DNAH11: variants seen among roughly 807,000 people sequenced by gnomAD.
DNAH11 encodes axonemal beta dynein heavy chain 11.
In DNAH11, 442 loss-of-function variants were observed where a neutral mutation model predicts 526.0. That is an observed-to-expected ratio of 0.84 (90% CI 0.78 to 0.91). The LOEUF (loss-of-function observed/expected upper bound fraction) is 0.91, where lower values mean the gene tolerates loss of function less well. Ranked by LOEUF, DNAH11 falls within the 40% of genes least tolerant of loss-of-function variation. The pLI is 0.00. For synonymous variants in DNAH11, 2,461 were observed against 1,935.9 expected (o/e 1.27, Z -7.12); for missense variants, 6,989 against 5,448.7 (o/e 1.28, Z -8.90).
chr7:21,768,026 G>C (rs1024367964), intron 55 of DNAH11, among the ~76,000 whole-genome samples: 1 of 152,094 alleles, frequency 6.6e-6, no homozygotes, highest in South Asian at 2.1e-4. Flanking sequence ...CCAGGGGTAC[G>C]GGTTGACTGC....
chr7:21,815,246 A>G (rs1472167936), intron 63 of DNAH11, among the ~76,000 whole-genome samples: 7 of 152,184 alleles, frequency 4.6e-5, no homozygotes, highest in African/African-American at 1.7e-4. Context: ...TGTATTAAGT[A>G]GAAGGTAACA....
At position 21,655,948 on chromosome 7, in the gene DNAH11, C is replaced by A; in HGVS notation, c.5061C>A (p.Val1687=). 1 of 1,609,988 alleles carries A rather than the reference C, an allele frequency of 6.2e-7. No homozygotes were observed. Among genetic ancestry groups the A allele is most frequent in the Non-Finnish European group, 8.5e-7 (1 of 1,177,794 alleles). Residue 1687 remains valine (V), a synonymous_variant, in exon 29 of 82, where the codon GTC becomes GTA. Transcript: ENST00000409508. ...VGMYSKEKEY[V]PFQAECECVG... is the part of the protein sequence containing the mutation. Reference sequence around the variant, plus strand: ...TGTACAGCAAAGAAAAGGAGTATGTCCCATTCCAAGCCGAGTGTGAATGTG... The same window carrying A: ...TGTACAGCAAAGAAAAGGAGTATGTACCATTCCAAGCCGAGTGTGAATGTG...
At chr7:21,711,591 T>C (rs753984143) in intron 41 of DNAH11, 121 bp from the exon 42 acceptor site, 7 of 1,389,520 alleles carry the variant, frequency 5.0e-6, no homozygotes, top group Admixed American at 4.8e-5. Flanking sequence ...CAGACTGCAC[T>C]TCTGATTCAG....
chr7:21,728,775 C>A (rs1785251106), intron 45 of DNAH11, among the ~76,000 whole-genome samples: 1 of 152,214 alleles, frequency 6.6e-6, no homozygotes, highest in Non-Finnish European at 1.5e-5. Flanking sequence ...ATAGGATAGA[C>A]CTTTCTATTC....
intron 54 of DNAH11, among the ~76,000 whole-genome samples, chr7:21,753,352 G>A (rs1412926463): frequency 6.6e-5 from 10 of 152,176 alleles, no homozygotes; most frequent in African/African-American, 9.7e-5. Context: ...TAAGGAGTCT[G>A]AGGGAGTAAA....
At chr7:21,763,117 G>C (rs1368127837) in intron 54 of DNAH11, among the ~76,000 whole-genome samples, 1 of 152,082 alleles carries the variant, frequency 6.6e-6, no homozygotes, top group African/African-American at 2.4e-5. Flanking sequence ...GCTGAGGCAG[G>C]TGGATCACGA....
intron 67 of DNAH11, among the ~76,000 whole-genome samples, chr7:21,853,004 G>A (rs868792999): frequency 6.6e-6 from 1 of 152,182 alleles, no homozygotes; most frequent in African/African-American, 2.4e-5. Flanking sequence ...CAAGCTGTTG[G>A]ACATTTTAAA....
At position 21,792,795 on chromosome 7, in the gene DNAH11, G is replaced by A. The variant is rs1479973859; in HGVS notation, c.10026+3453G>A. Among the ~76,000 whole-genome samples the A allele has an allele frequency of 1.3e-5, 2 of 151,466 alleles. 1 individual carries two copies. The highest frequency in any genetic ancestry group is 4.2e-4 in the South Asian group (2 of 4,802). On this transcript the variant is annotated intron_variant, in intron 61 of 81. Coordinates refer to ENST00000409508, the MANE Select transcript of DNAH11 (RefSeq NM_001277115.2). ...TCTTCTCTCCTTTTTTTGCTTTATA[G>A]GTTAGTTGATTTTGTTTATCTTTTG...
chr7:21,784,387 ATAAT>A lies in DNAH11; in HGVS notation c.9484-38_9484-35del, dbSNP rs1471972229. On this transcript the variant is annotated intron_variant, in intron 57 of 81. Coordinates refer to ENST00000409508, the MANE Select transcript of DNAH11 (RefSeq NM_001277115.2). ...TTTTTCTTTAGAGATATCTGTGATA[ATAAT>A]TTATACGGGTTTGTGTGCTTTTCCT... 2.0e-6 allele frequency: 3 copies of A among 1,467,148 alleles called. No homozygotes were observed. The South Asian group carries it at 3.6e-5, about 17-fold the overall frequency. 90.9% of individuals were successfully genotyped at this position (1,467,148 alleles called of 1,614,324 possible).
chr7:21,870,810 A>C (rs951790445), intron 73 of DNAH11, among the ~76,000 whole-genome samples: 3 of 152,190 alleles, frequency 2.0e-5, no homozygotes, highest in African/African-American at 7.2e-5. Context: ...TGTTAGAGCT[A>C]TGCCAGTAAC....
chr7:21,545,278 A>T, intron 2 of DNAH11, 129 bp downstream of exon 2: 1 of 584,880 alleles, frequency 1.7e-6, no homozygotes, highest in Non-Finnish European at 2.6e-6. Context: ...GGTGGTTAAA[A>T]AAAAAAAAAA....
At chr7:21,738,930 T>C (rs1785744966) in intron 47 of DNAH11, 64 bp downstream of exon 47, 4 of 1,294,742 alleles carry the variant, frequency 3.1e-6, no homozygotes, top group South Asian at 1.7e-5. Context: ...TAATAATTAC[T>C]ATGGATGAAT....
chr7:21,774,775 G>C (rs547559766), intron 56 of DNAH11, among the ~76,000 whole-genome samples: 21 of 152,258 alleles, frequency 1.4e-4, no homozygotes, highest in East Asian at 1.9e-4. Flanking sequence ...GAAGAGATTG[G>C]AATGAGAGAC....
chr7:21,687,088 A>G lies in DNAH11; in HGVS notation c.5622-11A>G, dbSNP rs145940768. The G allele has an allele frequency of 2.1e-5, 34 of 1,603,230 alleles. No individual in the cohort carries two copies. In the African/African-American group the frequency reaches 2.1e-4, roughly 10 times the overall value. ...TTAGACTGTGATGTTTGTGTTTTCT[A>G]TTGCTTAAAGGTGTTATATTACCTT... On this transcript the variant is annotated splice_polypyrimidine_tract_variant and intron_variant, in intron 32 of 81. Transcript: ENST00000409508.
chr7:21,752,132 A>C (rs1786441579), intron 54 of DNAH11, among the ~76,000 whole-genome samples: 1 of 152,266 alleles, frequency 6.6e-6, no homozygotes, highest in Admixed American at 6.5e-5. Flanking sequence ...AGGCATGATG[A>C]AATTTAAGAG....
chr7:21,806,400 G>A (rs2127995758), intron 62 of DNAH11, among the ~76,000 whole-genome samples: 1 of 152,328 alleles, frequency 6.6e-6, no homozygotes, highest in East Asian at 1.9e-4. Flanking sequence ...TATAAAGAGG[G>A]CTAGAGAGCT....
At chr7:21,616,923 T>C (rs1306533080) in intron 22 of DNAH11, among the ~76,000 whole-genome samples, 1 of 152,168 alleles carries the variant, frequency 6.6e-6, no homozygotes, top group Non-Finnish European at 1.5e-5. Flanking sequence ...TTGCTTTTTT[T>C]CCACCCCAGG....
intron 21 of DNAH11, among the ~76,000 whole-genome samples, chr7:21,615,661 C>T (rs1449387977): frequency 6.6e-6 from 1 of 151,962 alleles, no homozygotes; most frequent in Non-Finnish European, 1.5e-5. Context: ...CAGACCCTTC[C>T]TAAAAATAAT....
intron 61 of DNAH11, among the ~76,000 whole-genome samples, chr7:21,797,828 A>C (rs1360638666): frequency 2.7e-5 from 4 of 148,780 alleles, no homozygotes; most frequent in Non-Finnish European, 5.9e-5. Flanking sequence ...TCATTCAATG[A>C]AAAAAAGGAA....
Sources: allele counts gnomAD v4.1 joint callset (sites outside exome capture counted in the v4.1 genomes callset), GRCh38; gene constraint gnomAD v4.1.1; transcripts MANE v1.5; gene names NCBI Gene and HGNC (gene_info 2026-07-23, HGNC 2026-07-21).